The following ARHGAP24 variants were observed in gnomAD, a reference collection of about 807,000 sequenced individuals.
ARHGAP24 encodes the protein rho GTPase-activating protein 24.
Under a neutral mutation model 76.4 loss-of-function variants are expected in ARHGAP24, and 50 were observed. The ratio of observed to expected loss-of-function variants is 0.65; its 90% CI spans 0.52 to 0.83. The LOEUF (loss-of-function observed/expected upper bound fraction) is 0.83, where lower values mean the gene tolerates loss of function less well. ARHGAP24 is among the 40% of genes least tolerant of loss of function. ARHGAP24 has a pLI of 0.00. For missense variants in ARHGAP24, 930 were observed against 914.2 expected, an observed-to-expected ratio of 1.02 and a Z score of -0.22; for synonymous variants, 345 against 323.3, an observed-to-expected ratio of 1.07 and a Z score of -0.72.
At chr4:85,744,893 A>G (rs1388744459) in intron 3 of ARHGAP24, among the ~76,000 whole-genome samples, 1 of 152,210 alleles carries the variant, frequency 6.6e-6, no homozygotes, top group East Asian at 1.9e-4. Context: ...TCCAATCATT[A>G]GAGGGAATTA....
At chr4:85,766,867 A>T (rs1220084499) in intron 3 of ARHGAP24, among the ~76,000 whole-genome samples, 1 of 152,196 alleles carries the variant, frequency 6.6e-6, no homozygotes, top group African/African-American at 2.4e-5. Flanking sequence ...AAATACAGTC[A>T]TGCACTGCAT....
chr4:85,574,162 G>A (rs1727265374), intron 2 of ARHGAP24, among the ~76,000 whole-genome samples: 1 of 152,028 alleles, frequency 6.6e-6, no homozygotes, highest in Non-Finnish European at 1.5e-5. Flanking sequence ...TGTCCTTCTT[G>A]TCCTTGGTTA....
At chr4:85,829,273 A>C (rs1163364050) in intron 3 of ARHGAP24, among the ~76,000 whole-genome samples, 1 of 152,214 alleles carries the variant, frequency 6.6e-6, no homozygotes, top group Non-Finnish European at 1.5e-5. Flanking sequence ...AAGTAAAATA[A>C]ATTTTATTAA....
At chr4:85,607,913 G>A (rs560351515) in intron 2 of ARHGAP24, among the ~76,000 whole-genome samples, 1 of 151,878 alleles carries the variant, frequency 6.6e-6, no homozygotes, top group East Asian at 1.9e-4. Context: ...GCTGGCTGCA[G>A]ACCAACGAAA....
intron 2 of ARHGAP24, among the ~76,000 whole-genome samples, chr4:85,636,099 C>A (rs1468173561): frequency 2.0e-5 from 3 of 151,742 alleles, no homozygotes; most frequent in Non-Finnish European, 2.9e-5. Flanking sequence ...GTTTATCCTG[C>A]CTTATTCTCC....
At chr4:85,755,631 G>GTTTTTTT (rs1329803538) in intron 3 of ARHGAP24, among the ~76,000 whole-genome samples, 1 of 115,790 alleles carries the variant, frequency 8.6e-6, no homozygotes, top group African/African-American at 3.2e-5. Flanking sequence ...CTTTTGTTTT[G>GTTTTTTT]TTTTGTTTTG....
At chr4:85,970,207 G>T (rs1738891715) in intron 5 of ARHGAP24, among the ~76,000 whole-genome samples, 4 of 152,058 alleles carry the variant, frequency 2.6e-5, no homozygotes, top group Admixed American at 1.3e-4. Flanking sequence ...TGTCAATTCT[G>T]CAAGGACAGG....
intron 3 of ARHGAP24, among the ~76,000 whole-genome samples, chr4:85,768,832 AT>A (rs1727026370): frequency 6.6e-6 from 1 of 152,132 alleles, no homozygotes; most frequent in Non-Finnish European, 1.5e-5. Flanking sequence ...GGGGAGAAAA[AT>A]TTCTCCTCTA....
chr4:85,815,404 C>G (rs1036419075), intron 3 of ARHGAP24, among the ~76,000 whole-genome samples: 3 of 152,186 alleles, frequency 2.0e-5, no homozygotes, highest in African/African-American at 7.2e-5. Context: ...ACACCCAAGT[C>G]ACCTCTTGAA....
intron 3 of ARHGAP24, among the ~76,000 whole-genome samples, chr4:85,764,076 T>C (rs772233764): frequency 1.3e-5 from 2 of 152,186 alleles, no homozygotes; most frequent in Non-Finnish European, 2.9e-5. Flanking sequence ...ATATGTATAA[T>C]TTAGCATCAC....
chr4:85,721,801 A>G, intron 2 of ARHGAP24, 84 bp from the exon 3 acceptor site: 2 of 1,194,578 alleles, frequency 1.7e-6, no homozygotes, highest in Non-Finnish European at 2.5e-6. Flanking sequence ...TTATAGCTAC[A>G]CCTTGGATAT....
intron 3 of ARHGAP24, among the ~76,000 whole-genome samples, chr4:85,909,455 G>A (rs774904885): frequency 7.2e-5 from 11 of 152,148 alleles, no homozygotes; most frequent in Non-Finnish European, 1.5e-4. Flanking sequence ...ATTGGGTAAT[G>A]AGAATCTTAT....
chr4:85,546,799 A>G (rs970694540), intron 1 of ARHGAP24, among the ~76,000 whole-genome samples: 1 of 152,194 alleles, frequency 6.6e-6, no homozygotes, highest in Non-Finnish European at 1.5e-5. Context: ...TATTATTTTC[A>G]CATACTTTTG....
chr4:85,647,799 T>C (rs546160120), intron 2 of ARHGAP24, among the ~76,000 whole-genome samples: 108 of 152,222 alleles, frequency 7.1e-4, no homozygotes, highest in African/African-American at 2.4e-3. Context: ...CTTTTAAAAA[T>C]TGGAACCGTC....
intron 8 of ARHGAP24, chr4:85,991,914 T>A (rs1240534397): frequency 2.6e-6 from 1 of 377,906 alleles, no homozygotes; most frequent in African/African-American, 2.1e-5. Context: ...ATTTTTGCAT[T>A]TACATATTAT....
intron 3 of ARHGAP24, among the ~76,000 whole-genome samples, chr4:85,866,348 C>G (rs1033998405): frequency 2.6e-5 from 4 of 151,918 alleles, no homozygotes; most frequent in Non-Finnish European, 5.9e-5. Context: ...TTCTGACTTA[C>G]AAAAAAATGG....
At chr4:85,620,488 G>A (rs1006365371) in intron 2 of ARHGAP24, among the ~76,000 whole-genome samples, 3 of 151,478 alleles carry the variant, frequency 2.0e-5, no homozygotes. Flanking sequence ...TTGTGGTTTC[G>A]GTTGTAATGT....
chr4:85,714,037 A>G lies in ARHGAP24; in HGVS notation c.181-7848A>G, dbSNP rs139796603. Among the ~76,000 whole-genome samples the G allele has an allele frequency of 1.9e-4, 29 of 152,190 alleles. 1 individual carries two copies. The highest frequency in any genetic ancestry group is 6.7e-4 in the African/African-American group (28 of 41,538). Reference sequence around the variant, plus strand: ...CAAGTCTTCCTTTCCCTCATTTCCAATGTGCCTCCTCTCACAATCGAGGAA... The same window carrying G: ...CAAGTCTTCCTTTCCCTCATTTCCAGTGTGCCTCCTCTCACAATCGAGGAA... On this transcript the variant is annotated intron_variant, in intron 2 of 9. Transcript: ENST00000395184.
intron 2 of ARHGAP24, among the ~76,000 whole-genome samples, chr4:85,716,115 A>G (rs1461687693): frequency 6.6e-6 from 1 of 152,058 alleles, no homozygotes; most frequent in Non-Finnish European, 1.5e-5. Context: ...TGTGCTTATT[A>G]AACTAACAGA....
Sources: gnomAD v4.1 joint callset for allele counts (sites outside exome capture counted in the v4.1 genomes callset) on GRCh38, gnomAD v4.1.1 for gene constraint, MANE v1.5 for transcripts, NCBI Gene and HGNC (gene_info 2026-07-23, HGNC 2026-07-21) for gene names.